The following VPS50 variants were observed in gnomAD, a reference collection of about 807,000 sequenced individuals.
The protein encoded by VPS50 is syndetin.
Under a neutral mutation model 139.7 loss-of-function variants are expected in VPS50, and 70 were observed. The ratio of observed to expected loss-of-function variants is 0.50; its 90% CI spans 0.41 to 0.61. VPS50 has a LOEUF of 0.61. VPS50 is among the 20% of genes least tolerant of loss of function. VPS50 has a pLI of 0.00. For missense variants in VPS50, 921 were observed against 1,133.7 expected (o/e 0.81, Z 2.69); for synonymous variants, 365 against 376.7 (o/e 0.97, Z 0.36).
intron 12 of VPS50, among the ~76,000 whole-genome samples, chr7:93,290,454 T>G (rs1796617331): frequency 6.6e-6 from 1 of 150,942 alleles, no homozygotes; most frequent in South Asian, 2.1e-4. Context: ...GGGTTGTGCC[T>G]TAGAGTTTTC....
Position 93,358,243 on chromosome 7 carries a change from G to A in VPS50, c.2776-74G>A, listed in dbSNP as rs368073253. 2.5e-4 allele frequency: 335 copies of A among 1,364,224 alleles called. 1 individual carries two copies. The East Asian group carries it at 4.4e-3, about 18-fold the overall frequency. 84.5% of individuals were successfully genotyped at this position (1,364,224 alleles called of 1,614,324 possible). A position where few individuals can be genotyped will look rare whatever the true frequency, so the allele number is the denominator to read the frequency against. ...AACTATCCACTGCACCTGAATATCCGCCTGTTCTTTTGTTGCACTGATCAG... is the reference window on the plus strand; with the variant it reads ...AACTATCCACTGCACCTGAATATCCACCTGTTCTTTTGTTGCACTGATCAG... On this transcript the variant is annotated intron_variant, in intron 27 of 27. Transcript: ENST00000305866.
intron 2 of VPS50, among the ~76,000 whole-genome samples, chr7:93,240,400 A>G (rs1794953123): frequency 6.6e-6 from 1 of 152,188 alleles, no homozygotes; most frequent in African/African-American, 2.4e-5. Flanking sequence ...TTGAAAAAGC[A>G]TCTAAACCAT....
At chr7:93,248,818 C>T (rs556596631) in intron 2 of VPS50, among the ~76,000 whole-genome samples, 76 of 152,168 alleles carry the variant, frequency 5.0e-4, no homozygotes, top group Non-Finnish European at 1.0e-3. Flanking sequence ...ACTGCTAGTT[C>T]AGTGGGACTA....
At chr7:93,258,491 A>T in intron 8 of VPS50, 99 bp downstream of exon 8, 1 of 865,288 alleles carries the variant, frequency 1.2e-6, no homozygotes, top group East Asian at 2.5e-5. Context: ...TGGGTTTATG[A>T]TATAAAGAAT....
chr7:93,324,421 G>C (rs1797707973), intron 21 of VPS50, among the ~76,000 whole-genome samples: 2 of 152,118 alleles, frequency 1.3e-5, no homozygotes, highest in Admixed American at 1.3e-4. Flanking sequence ...ATTGGCTGTG[G>C]GTTTGTCATA....
At chr7:93,333,845 G>A (rs527492070) in intron 21 of VPS50, 270 of 360,660 alleles carry the variant, frequency 7.5e-4, no homozygotes, top group Non-Finnish European at 1.2e-3. Context: ...ATAATGACTC[G>A]CGAGAAAGAA....
intron 22 of VPS50, among the ~76,000 whole-genome samples, chr7:93,337,669 T>C (rs1220474240): frequency 6.6e-6 from 1 of 152,198 alleles, no homozygotes; most frequent in Non-Finnish European, 1.5e-5. Context: ...AGCTTAATTA[T>C]ACAATATTTT....
At chr7:93,315,989 A>G (rs1032107450) in intron 20 of VPS50, among the ~76,000 whole-genome samples, 3 of 152,322 alleles carry the variant, frequency 2.0e-5, no homozygotes, top group East Asian at 3.9e-4. Flanking sequence ...TGTTATAAGC[A>G]TAAATAAACA....
At chr7:93,240,594 C>T (rs1794961029) in intron 2 of VPS50, among the ~76,000 whole-genome samples, 1 of 152,142 alleles carries the variant, frequency 6.6e-6, no homozygotes, top group South Asian at 2.1e-4. Flanking sequence ...AGTGTTGCTG[C>T]TTGGAGCTGC....
At chr7:93,312,990 G>A (rs959745615) in intron 20 of VPS50, among the ~76,000 whole-genome samples, 3 of 152,160 alleles carry the variant, frequency 2.0e-5, no homozygotes, top group Non-Finnish European at 4.4e-5. Context: ...GCATCAAGAC[G>A]TTCAACCACA....
At chr7:93,291,639 A>G in intron 12 of VPS50, 64 bp from the exon 13 acceptor site, 1 of 855,880 alleles carries the variant, frequency 1.2e-6, no homozygotes, top group Admixed American at 3.0e-5. Context: ...TTAATAACCT[A>G]TTTTATTATA....
intron 1 of VPS50, 30 bp downstream of exon 1, chr7:93,232,530 C>T (rs1283993524): frequency 1.2e-6 from 2 of 1,602,684 alleles, no homozygotes; most frequent in South Asian, 2.2e-5. Flanking sequence ...GCAAAGGCTT[C>T]CTTCATCTCG....
At chr7:93,281,932 C>T (rs1374340127) in intron 12 of VPS50, among the ~76,000 whole-genome samples, 2 of 152,134 alleles carry the variant, frequency 1.3e-5, no homozygotes, top group Admixed American at 6.5e-5. Context: ...CGGCTGGGCG[C>T]GGTGGCTCAC....
At chr7:93,324,701 A>C (rs1797717582) in intron 21 of VPS50, among the ~76,000 whole-genome samples, 1 of 152,150 alleles carries the variant, frequency 6.6e-6, no homozygotes, top group South Asian at 2.1e-4. Context: ...CAATTGCTTC[A>C]AAGAGAATAA....
At chr7:93,253,255 C>A (rs1296089300) in intron 3 of VPS50, among the ~76,000 whole-genome samples, 1 of 152,168 alleles carries the variant, frequency 6.6e-6, no homozygotes, top group Non-Finnish European at 1.5e-5. Context: ...ACTTTATATG[C>A]ATTATTCACA....
chr7:93,343,226 G>A (rs1366551617), intron 23 of VPS50, among the ~76,000 whole-genome samples: 1 of 152,054 alleles, frequency 6.6e-6, no homozygotes, highest in African/African-American at 2.4e-5. Flanking sequence ...TGGAAGAAAG[G>A]GTATCAGCGA....
chr7:93,280,809 A>G (rs996635184), intron 12 of VPS50, among the ~76,000 whole-genome samples: 7 of 151,994 alleles, frequency 4.6e-5, no homozygotes, highest in East Asian at 1.9e-4. Context: ...TTCATTTCCA[A>G]ATCATCTTAA....
intron 22 of VPS50, among the ~76,000 whole-genome samples, chr7:93,340,177 T>C (rs1013189035): frequency 2.6e-5 from 4 of 152,252 alleles, no homozygotes; most frequent in African/African-American, 9.6e-5. Flanking sequence ...ATTAAAAGTC[T>C]CTTTCTCTGA....
At chr7:93,232,762 C>T (rs1352088398) in intron 1 of VPS50, among the ~76,000 whole-genome samples, 1 of 152,174 alleles carries the variant, frequency 6.6e-6, no homozygotes, top group Non-Finnish European at 1.5e-5. Context: ...TGTCTCCCCT[C>T]CTCCTCTTTT....
Sources: gnomAD v4.1 joint callset for allele counts (sites outside exome capture counted in the v4.1 genomes callset) on GRCh38, gnomAD v4.1.1 for gene constraint, MANE v1.5 for transcripts, NCBI Gene and HGNC (gene_info 2026-07-23, HGNC 2026-07-21) for gene names.